FBXO25: variants seen among roughly 807,000 people sequenced by gnomAD.
FBXO25 encodes F-box only protein 25.
Under a neutral mutation model 51.9 loss-of-function variants are expected in FBXO25, and 45 were observed. The observed-to-expected ratio is 0.87, with a 90% confidence interval of 0.68 to 1.11. The LOEUF (loss-of-function observed/expected upper bound fraction) is 1.11, where lower values mean the gene tolerates loss of function less well. FBXO25 is among the 50% of genes most tolerant of loss of function. The pLI, the probability that FBXO25 is intolerant of heterozygous loss-of-function variation, is 0.00. For missense variants in FBXO25, 507 were observed against 428.5 expected (o/e 1.18, Z -1.62); for synonymous variants, 199 against 151.0 (o/e 1.32, Z -2.33).
intron 1 of FBXO25, 113 bp from the exon 2 acceptor site, chr8:412,960 A>G (rs1194024679): frequency 1.0e-6 from 1 of 962,794 alleles, no homozygotes; most frequent in Non-Finnish European, 1.4e-6. Context: ...TTAATTAATG[A>G]GCAGACATTT....
rs1175209530 is a variant in FBXO25, at chr8:432,214, A to G, written c.239-672A>G. On this transcript the variant is annotated intron_variant, in intron 3 of 9. Coordinates refer to ENST00000350302, the MANE Select transcript of FBXO25 (RefSeq NM_183420.2). ...AGGTGATCCGATAACCAAGACGGCT[A>G]CTGAGTGACCAAGGGGCGGGTAGTG... is the stretch of plus-strand genomic sequence containing the variant. 5.9e-5 allele frequency among the ~76,000 whole-genome samples: 9 copies of G among 152,208 alleles called. 1 individual carries two copies. The South Asian group carries it at 1.4e-3, about 24-fold the overall frequency.
At chr8:416,397 A>G (rs759393309) in intron 2 of FBXO25, among the ~76,000 whole-genome samples, 1 of 152,220 alleles carries the variant, frequency 6.6e-6, no homozygotes, top group Middle Eastern at 3.2e-3. Context: ...ATCTTCATTG[A>G]CTTTATCCTG....
At chr8:456,375 A>G (rs941706468) in intron 7 of FBXO25, among the ~76,000 whole-genome samples, 1 of 152,118 alleles carries the variant, frequency 6.6e-6, no homozygotes, top group Non-Finnish European at 1.5e-5. Context: ...CGGCCTGGCC[A>G]TATTCTCTTT....
At chr8:423,730 T>G (rs1167281669) in intron 2 of FBXO25, among the ~76,000 whole-genome samples, 1 of 152,248 alleles carries the variant, frequency 6.6e-6, no homozygotes, top group Admixed American at 6.5e-5. Flanking sequence ...TCTTTACTAT[T>G]GTTAATAGTG....
At chr8:468,462 A>G (rs532939382) in intron 9 of FBXO25, among the ~76,000 whole-genome samples, 35 of 152,196 alleles carry the variant, frequency 2.3e-4, no homozygotes, top group Middle Eastern at 3.4e-3. Flanking sequence ...TCAGTACCAG[A>G]TTCGGCACTG....
chr8:469,276 G>C lies in FBXO25; in HGVS notation c.*472G>C, dbSNP rs1315345749. Reference sequence around the variant, plus strand: ...CAAAATGCATTTTAACTACTACATTGGCTGTGCCCAAATGAGTCCTCTTTG... The same window carrying C: ...CAAAATGCATTTTAACTACTACATTCGCTGTGCCCAAATGAGTCCTCTTTG... On this transcript the variant is annotated 3_prime_UTR_variant, in exon 10 of 10. Coordinates refer to ENST00000350302, the MANE Select transcript of FBXO25 (RefSeq NM_183420.2). 6.5e-6 allele frequency: 1 copy of C among 153,218 alleles called. No homozygotes were observed. The highest frequency in any genetic ancestry group is 2.4e-5 in the African/African-American group (1 of 41,412). The allele number at this position is 153,218 out of a possible 1,614,324, so 9.5% of individuals were successfully genotyped here.
chr8:423,704 C>G (rs1315944715), intron 2 of FBXO25, among the ~76,000 whole-genome samples: 2 of 152,134 alleles, frequency 1.3e-5, no homozygotes. Context: ...TGATGGGCAC[C>G]TGGGTTGATT....
At chr8:419,587 G>A (rs1797028740) in intron 2 of FBXO25, among the ~76,000 whole-genome samples, 1 of 151,952 alleles carries the variant, frequency 6.6e-6, no homozygotes, top group African/African-American at 2.4e-5. Context: ...TCAGCAAATG[G>A]GCTAGAAAAC....
chr8:430,267 C>G (rs1291387402), intron 2 of FBXO25, among the ~76,000 whole-genome samples: 1 of 152,180 alleles, frequency 6.6e-6, no homozygotes, highest in Non-Finnish European at 1.5e-5. Context: ...AGACTAAATA[C>G]AAAATACAAA....
At chr8:465,961 T>C (rs1212564064) in intron 9 of FBXO25, among the ~76,000 whole-genome samples, 1 of 152,200 alleles carries the variant, frequency 6.6e-6, no homozygotes, top group Non-Finnish European at 1.5e-5. Flanking sequence ...ATCATGGAAA[T>C]TGAGAACAAG....
intron 7 of FBXO25, among the ~76,000 whole-genome samples, chr8:455,122 C>T (rs1421670706): frequency 6.6e-6 from 1 of 152,096 alleles, no homozygotes; most frequent in Non-Finnish European, 1.5e-5. Flanking sequence ...CTTCCGCATC[C>T]AGGGGCTAAT....
chr8:468,163 T>C, intron 9 of FBXO25: 2 of 1,023,404 alleles, frequency 2.0e-6, no homozygotes, highest in Non-Finnish European at 2.3e-6. Flanking sequence ...ATATTAAATA[T>C]AATTCTGGAT....
rs1366042739 is a variant in FBXO25, at chr8:477,456, T to C, written c.*8652T>C. 6.6e-6 allele frequency: 1 copy of C among 152,260 alleles called. No individual in the cohort carries two copies. The highest frequency in any genetic ancestry group is 1.5e-5 in the Non-Finnish European group (1 of 68,046). The allele number at this position is 152,260 out of a possible 1,614,324, so 9.4% of individuals were successfully genotyped here. ...GGCTCTGATGTTTGGTGCATATATA[T>C]TACATCTTGGTGAATTTTCAAACTT... is the stretch of plus-strand genomic sequence containing the variant. On this transcript the variant is annotated 3_prime_UTR_variant, in exon 10 of 10. Transcript: ENST00000350302.
At chr8:411,157 C>T (rs1475659031) in intron 1 of FBXO25, among the ~76,000 whole-genome samples, 2 of 152,118 alleles carry the variant, frequency 1.3e-5, no homozygotes, top group Admixed American at 6.5e-5. Flanking sequence ...CAAGTCTGTT[C>T]GGGACGTGAA....
At chr8:462,064 G>T (rs1266853534) in intron 8 of FBXO25, among the ~76,000 whole-genome samples, 1 of 152,082 alleles carries the variant, frequency 6.6e-6, no homozygotes, top group East Asian at 1.9e-4. Flanking sequence ...ACTTTTTGAG[G>T]AATTGCCAGA....
chr8:412,518 C>G (rs1284721297), intron 1 of FBXO25, among the ~76,000 whole-genome samples: 3 of 152,230 alleles, frequency 2.0e-5, no homozygotes, highest in Non-Finnish European at 4.4e-5. Flanking sequence ...TTGTAAACCA[C>G]AAATCTGATT....
rs1800306927 is a variant in FBXO25 at position 468,129 on chromosome 8, T to C, written c.988-586T>C. On this transcript the variant is annotated intron_variant, in intron 9 of 9. Transcript: ENST00000350302. ...AGTCTGCCAGTCTTCATCCACAAAA[T>C]TAATTTTTCTGTCGTCACTTCTCAT... 5.7e-6 allele frequency: 6 copies of C among 1,045,054 alleles called. No homozygotes were observed. The South Asian group carries it at 2.0e-4, about 35-fold the overall frequency. The allele number at this position is 1,045,054 out of a possible 1,614,324, so 64.7% of individuals were successfully genotyped here. A position where few individuals can be genotyped will look rare whatever the true frequency, so the allele number is the denominator to read the frequency against.
At chr8:424,013 T>C (rs564165815) in intron 2 of FBXO25, among the ~76,000 whole-genome samples, 6 of 152,278 alleles carry the variant, frequency 3.9e-5, no homozygotes, top group East Asian at 3.9e-4. Context: ...TATCTCATTG[T>C]GGTTTTGATG....
At position 476,366 on chromosome 8, in the gene FBXO25, A is replaced by T. The variant is rs1253848230; in HGVS notation, c.*7562A>T. 1 of 152,204 alleles carries T rather than the reference A, an allele frequency of 6.6e-6. No individual in the cohort carries two copies. Among genetic ancestry groups the T allele is most frequent in the Non-Finnish European group, 1.5e-5 (1 of 68,026 alleles). 9.4% of individuals were successfully genotyped at this position (152,204 alleles called of 1,614,324 possible). On this transcript the variant is annotated 3_prime_UTR_variant, in exon 10 of 10. Transcript: ENST00000350302. ...GTCTTTGTCTGGTTTTGGTATCAGAATAATGATGGCCTCATAGAATGCATT... is the reference window on the plus strand; with the variant it reads ...GTCTTTGTCTGGTTTTGGTATCAGATTAATGATGGCCTCATAGAATGCATT...
Sources: gnomAD v4.1 joint callset for allele counts (sites outside exome capture counted in the v4.1 genomes callset) on GRCh38, gnomAD v4.1.1 for gene constraint, MANE v1.5 for transcripts, NCBI Gene and HGNC (gene_info 2026-07-23, HGNC 2026-07-21) for gene names.